The following ALPK2 variants were observed in gnomAD, a reference collection of about 807,000 sequenced individuals.
The protein encoded by ALPK2 is alpha kinase 2.
A neutral mutation model predicts 163.1 loss-of-function variants in ALPK2; 127 were observed. That is an observed-to-expected ratio of 0.78 (90% CI 0.67 to 0.90). The LOEUF (loss-of-function observed/expected upper bound fraction) is 0.90, where lower values mean the gene tolerates loss of function less well. Among genes scored for constraint, ALPK2 ranks in the 40% least tolerant of loss-of-function variants. The probability of loss-of-function intolerance (pLI) is 0.00; values close to 1 mark genes in which losing one functional copy is unlikely to be tolerated. For missense variants in ALPK2, 2,360 were observed against 2,589.6 expected, an observed-to-expected ratio of 0.91 and a Z score of 1.92; for synonymous variants, 953 against 959.1, an observed-to-expected ratio of 0.99 and a Z score of 0.12.
intron 10 of ALPK2, among the ~76,000 whole-genome samples, chr18:58,507,192 A>G (rs1205348703): frequency 2.0e-5 from 3 of 152,154 alleles, no homozygotes; most frequent in Non-Finnish European, 4.4e-5. Context: ...GCCCCTAACT[A>G]TATGTTTAAT....
At chr18:58,490,200 T>C (rs1432443129) in intron 12 of ALPK2, among the ~76,000 whole-genome samples, 2 of 152,216 alleles carry the variant, frequency 1.3e-5, no homozygotes, top group African/African-American at 4.8e-5. Context: ...TCATGGAGCT[T>C]TTGAGGGCGG....
Position 58,537,659 on chromosome 18 carries a change from G to T in ALPK2, c.2528C>A (p.Ala843Glu). 6.2e-6 allele frequency: 10 copies of T among 1,613,740 alleles called. No individual in the cohort carries two copies. The highest frequency in any genetic ancestry group is 8.5e-6 in the Non-Finnish European group (10 of 1,179,702). Residue 843 changes from alanine to glutamate, a missense_variant, in exon 5 of 13, where the codon GCA (alanine) becomes GAA (glutamate). Physicochemically the swap from Ala to Glu is moderately radical, Grantham distance 107. Transcript: ENST00000361673. ...ATCAGATACTTTGTTTTGACCTTCT[G>T]CCAGTTCCGTATCTACAGAGCAAAT... ...QEICSVDTEL[A>E]EGQNKVSDLC...
intron 4 of ALPK2, among the ~76,000 whole-genome samples, chr18:58,571,311 G>A (rs931432113): frequency 6.6e-6 from 1 of 151,592 alleles, no homozygotes; most frequent in Admixed American, 6.6e-5. Flanking sequence ...GTGAGCCACC[G>A]CACTTGGCAA....
intron 12 of ALPK2, among the ~76,000 whole-genome samples, chr18:58,495,871 A>G (rs1403355053): frequency 6.6e-6 from 1 of 152,192 alleles, no homozygotes; most frequent in Non-Finnish European, 1.5e-5. Context: ...ACTTAGTCAC[A>G]TGCCCACAGT....
At chr18:58,628,175 A>C (rs944322076) in intron 1 of ALPK2, among the ~76,000 whole-genome samples, 4 of 152,088 alleles carry the variant, frequency 2.6e-5, no homozygotes, top group African/African-American at 9.7e-5. Context: ...AAATCTATTT[A>C]ACAACTCGAT....
chr18:58,628,246 T>C (rs2052241880), intron 1 of ALPK2, among the ~76,000 whole-genome samples: 1 of 152,246 alleles, frequency 6.6e-6, no homozygotes, highest in Non-Finnish European at 1.5e-5. Flanking sequence ...GCATTACCTG[T>C]TGTCAGACAA....
chr18:58,502,170 ACACACACAC>A (rs1304592247), intron 11 of ALPK2, among the ~76,000 whole-genome samples: 27 of 145,456 alleles, frequency 1.9e-4, no homozygotes, highest in East Asian at 7.1e-4. Flanking sequence ...ACACACACAC[ACACACACAC>A]AAAGAAAAAA....
At chr18:58,550,697 A>G (rs1283235826) in intron 4 of ALPK2, among the ~76,000 whole-genome samples, 1 of 149,884 alleles carries the variant, frequency 6.7e-6, no homozygotes, top group Non-Finnish European at 1.5e-5. Flanking sequence ...ATCGTGTACA[A>G]CCCCATCCCC....
chr18:58,564,123 C>CTTTTTTTTTTTTTTTTTTT lies in ALPK2; in HGVS notation c.1962+14690_1962+14691insAAAAAAAAAAAAAAAAAAA, dbSNP rs10689097. ...GAATTGCGTATTTGATGTCTTTGTT[C>CTTTTTTTTTTTTTTTTTTT]TTTTTTTTTTTTTTTTGAGATGGAG... On this transcript the variant is annotated intron_variant, in intron 4 of 12. Coordinates refer to ENST00000361673, the MANE Select transcript of ALPK2 (RefSeq NM_052947.4). Among the ~76,000 whole-genome samples, 573 of 102,390 alleles carry CTTTTTTTTTTTTTTTTTTT rather than the reference C, an allele frequency of 5.6e-3. 41 individuals carry two copies. Among genetic ancestry groups the CTTTTTTTTTTTTTTTTTTT allele is most frequent in the Non-Finnish European group, 6.2e-3 (347 of 55,890 alleles). 67.2% of individuals were successfully genotyped at this position (102,390 alleles called of 152,430 possible). A position where few individuals can be genotyped will look rare whatever the true frequency, so the allele number is the denominator to read the frequency against.
At chr18:58,524,552 C>T (rs925144938) in intron 6 of ALPK2, among the ~76,000 whole-genome samples, 2 of 152,154 alleles carry the variant, frequency 1.3e-5, no homozygotes, top group Admixed American at 6.5e-5. Context: ...TACCAACCAT[C>T]GAACCATTCA....
chr18:58,489,141 C>A (rs1159553585), intron 12 of ALPK2, among the ~76,000 whole-genome samples: 1 of 152,152 alleles, frequency 6.6e-6, no homozygotes, highest in Non-Finnish European at 1.5e-5. Context: ...ACAAGAGTTC[C>A]TACAGGAAAG....
rs1205518187 is a variant in ALPK2 at position 58,481,668 on chromosome 18, G to GTCTGC, written c.*154_*155insGCAGA. The GTCTGC allele has an allele frequency of 1.6e-6, 1 of 637,186 alleles. No homozygotes were observed. The highest frequency in any genetic ancestry group is 1.8e-5 in the African/African-American group (1 of 54,474). The allele number at this position is 637,186 out of a possible 1,614,324, so 39.5% of individuals were successfully genotyped here. On this transcript the variant is annotated 3_prime_UTR_variant, in exon 13 of 13. Coordinates refer to ENST00000361673, the MANE Select transcript of ALPK2 (RefSeq NM_052947.4). ...GAAATCATTTGAGTGAAGACAGCAGGTGATGGGTTTAGAAGCATCTTGGCG... is the reference window on the plus strand; with the variant it reads ...GAAATCATTTGAGTGAAGACAGCAGGTCTGCTGATGGGTTTAGAAGCATCTTGGCG...
intron 4 of ALPK2, among the ~76,000 whole-genome samples, chr18:58,555,579 T>C (rs80111543): frequency 2.4e-3 from 373 of 152,342 alleles, no homozygotes; most frequent in African/African-American, 8.3e-3. Flanking sequence ...AAAGTCTACC[T>C]ACTCTGGAAA....
intron 3 of ALPK2, among the ~76,000 whole-genome samples, chr18:58,594,845 G>C (rs1194346418): frequency 6.6e-6 from 1 of 152,154 alleles, no homozygotes; most frequent in Non-Finnish European, 1.5e-5. Context: ...GGACCGTCCT[G>C]GGTGGAGGCA....
At chr18:58,617,737 A>G (rs1402204584) in intron 1 of ALPK2, among the ~76,000 whole-genome samples, 1 of 152,190 alleles carries the variant, frequency 6.6e-6, no homozygotes, top group Non-Finnish European at 1.5e-5. Context: ...GTATGTTGGT[A>G]TGTATGGTAC....
rs199833082 is a variant in ALPK2 at position 58,504,103 on chromosome 18, C to T, written c.6075G>A (p.Pro2025=). The T allele has an allele frequency of 2.1e-5, 34 of 1,614,140 alleles. No homozygotes were observed. The highest frequency in any genetic ancestry group is 8.9e-5 in the East Asian group (4 of 44,886). ...TCAGCTCCTCCTCCACTGTAGCATACGGGATATTGTTCTCAGGCCGATGGA... is the reference window on the plus strand; with the variant it reads ...TCAGCTCCTCCTCCACTGTAGCATATGGGATATTGTTCTCAGGCCGATGGA... ...FLIHRPENNI[P]YATVEEELIG... is the part of the protein sequence containing the mutation. The change falls in exon 11 of 13, where the codon CCG becomes CCA. Residue 2025 remains proline (P), a synonymous_variant. Transcript: ENST00000361673.
At chr18:58,573,272 A>ATATATGTGTATATATG (rs1178380376) in intron 4 of ALPK2, among the ~76,000 whole-genome samples, 1 of 132,502 alleles carries the variant, frequency 7.5e-6, no homozygotes, top group Non-Finnish European at 1.6e-5. Context: ...GTGTATATAT[A>ATATATGTGTATATATG]TGTATATATG....
At chr18:58,496,510 G>C (rs891270653) in intron 12 of ALPK2, among the ~76,000 whole-genome samples, 1 of 152,194 alleles carries the variant, frequency 6.6e-6, no homozygotes, top group African/African-American at 2.4e-5. Flanking sequence ...TCATGAATCA[G>C]ACTTACTGAC....
chr18:58,611,289 A>G (rs965767280), intron 2 of ALPK2, among the ~76,000 whole-genome samples: 2 of 79,264 alleles, frequency 2.5e-5, no homozygotes, highest in African/African-American at 6.0e-5. Context: ...AAAAAAAAAA[A>G]AAAAGTCAAT....
Sources: allele counts gnomAD v4.1 joint callset (sites outside exome capture counted in the v4.1 genomes callset), GRCh38; gene constraint gnomAD v4.1.1; transcripts MANE v1.5; gene names NCBI Gene and HGNC (gene_info 2026-07-23, HGNC 2026-07-21).